Variants in ORC1 observed in about 807,000 individuals in gnomAD.
The protein encoded by ORC1 is origin recognition complex subunit 1, also known as origin recognition complex, subunit 1 homolog.
A neutral mutation model predicts 98.9 loss-of-function variants in ORC1; 61 were observed. That is an observed-to-expected ratio of 0.62 (90% CI 0.50 to 0.76). The LOEUF is 0.76. Ranked by LOEUF, ORC1 falls within the 30% of genes least tolerant of loss-of-function variation. The probability of loss-of-function intolerance (pLI) is 0.00; values close to 1 mark genes in which losing one functional copy is unlikely to be tolerated. For missense variants in ORC1, 979 were observed against 1,072.2 expected, an observed-to-expected ratio of 0.91 and a Z score of 1.21; for synonymous variants, 385 against 406.9, an observed-to-expected ratio of 0.95 and a Z score of 0.65.
chr1:52,398,223 C>A (rs900298888), intron 3 of ORC1, among the ~76,000 whole-genome samples: 38 of 151,156 alleles, frequency 2.5e-4, no homozygotes, highest in Non-Finnish European at 2.4e-4. Flanking sequence ...CTTGGCCTCC[C>A]AAAGTGCTGG....
rs773273929 is a variant in ORC1 at position 52,393,436 on chromosome 1, T to C, written c.1082+7A>G. 21 of 1,614,044 alleles carry C rather than the reference T, an allele frequency of 1.3e-5. No individual in the cohort carries two copies. Among genetic ancestry groups the C allele is most frequent in the Non-Finnish European group, 1.7e-5 (20 of 1,180,012 alleles). On this transcript the variant is annotated splice_region_variant and intron_variant, in intron 6 of 16. Transcript: ENST00000371568. ...CAATTTGCTCTGTGGGTAATGTCCC[T>C]GGTCACCTCTTTTTGATGTTTTCTG... is the stretch of plus-strand genomic sequence containing the variant.
At position 52,389,160 on chromosome 1, in the gene ORC1, A is replaced by G; in HGVS notation, c.1187+57T>C. 8.6e-6 allele frequency: 11 copies of G among 1,272,578 alleles called. No individual in the cohort carries two copies. The South Asian group carries it at 1.3e-4, about 15-fold the overall frequency. The allele number at this position is 1,272,578 out of a possible 1,614,324, so 78.8% of individuals were successfully genotyped here. ...AGTATAAGAGGCATTAGGAGATAAGATTATAGATATCAGAGATGGCAGCAA... is the reference window on the plus strand; with the variant it reads ...AGTATAAGAGGCATTAGGAGATAAGGTTATAGATATCAGAGATGGCAGCAA... On this transcript the variant is annotated intron_variant, in intron 7 of 16. Transcript: ENST00000371568.
chr1:52,385,316 C>A, intron 9 of ORC1, 54 bp from the exon 10 acceptor site: 1 of 1,081,754 alleles, frequency 9.2e-7, no homozygotes, highest in Non-Finnish European at 1.4e-6. Flanking sequence ...ATTCCCCAAC[C>A]ATCTACTCAT....
intron 10 of ORC1, 130 bp downstream of exon 10, chr1:52,385,031 G>A (rs1647124486): frequency 2.6e-6 from 2 of 773,498 alleles, no homozygotes; most frequent in African/African-American, 1.7e-5. Context: ...GAAGCTTTGG[G>A]CTTCAGCAAC....
At chr1:52,404,510 C>T (rs570386111), upstream of ORC1, 32 of 418,666 alleles carry the variant, frequency 7.6e-5, no homozygotes, top group Non-Finnish European at 1.3e-4. Context: ...CCCGCCCACT[C>T]CGTACACCTA....
chr1:52,406,530 C>A (rs1254176675), upstream of ORC1, among the ~76,000 whole-genome samples: 1 of 146,854 alleles, frequency 6.8e-6, no homozygotes, highest in Non-Finnish European at 1.5e-5. Flanking sequence ...TTAACTATGA[C>A]ATTGGAGAGG....
chr1:52,375,013 C>A (rs1451147787), intron 15 of ORC1, 116 bp from the exon 16 acceptor site: 4 of 720,444 alleles, frequency 5.6e-6, no homozygotes, highest in African/African-American at 5.3e-5. Context: ...GAAATAATTT[C>A]TCCTATATTA....
In ORC1 at chr1:52,373,094, T is replaced by G. The variant is rs1367531423; in HGVS notation, c.*87A>C. 1 of 1,362,590 alleles carries G rather than the reference T, an allele frequency of 7.3e-7. No individual in the cohort carries two copies. Among genetic ancestry groups the G allele is most frequent in the South Asian group, 1.2e-5 (1 of 85,330 alleles). 84.4% of individuals were successfully genotyped at this position (1,362,590 alleles called of 1,614,324 possible). A position where few individuals can be genotyped will look rare whatever the true frequency, so the allele number is the denominator to read the frequency against. ...CTGCAGTGAGCCATGATCGTGCCAC[T>G]GCACTCCAGCCTGGGCGACAGAGCA... is the stretch of plus-strand genomic sequence containing the variant. On this transcript the variant is annotated 3_prime_UTR_variant, in exon 17 of 17. Transcript: ENST00000371568.
chr1:52,408,127 G>A (rs928878939), upstream of ORC1, among the ~76,000 whole-genome samples: 2 of 150,596 alleles, frequency 1.3e-5, no homozygotes, highest in Admixed American at 6.6e-5. Context: ...TGTAATCCTC[G>A]CTACATGGAG....
In ORC1 at chr1:52,374,768, A is replaced by C. The variant is rs770712720; in HGVS notation, c.2391+42T>G. On this transcript the variant is annotated intron_variant, in intron 16 of 16. Transcript: ENST00000371568. ...AAATTTCCATGTATTTTAAAAGCGT[A>C]AGTCCAAAATCTAGAAGGATTTGAA... 11 of 1,359,760 alleles carry C rather than the reference A, an allele frequency of 8.1e-6. No homozygotes were observed. In the Admixed American group the frequency reaches 1.9e-4, roughly 23 times the overall value. The allele number at this position is 1,359,760 out of a possible 1,614,324, so 84.2% of individuals were successfully genotyped here. A position where few individuals can be genotyped will look rare whatever the true frequency, so the allele number is the denominator to read the frequency against.
upstream of ORC1, chr1:52,404,609 G>A: frequency 3.6e-6 from 3 of 833,106 alleles, no homozygotes; most frequent in South Asian, 3.5e-5. Flanking sequence ...TTTACACTAC[G>A]GTGTTTCCGG....
chr1:52,388,010 C>T (rs1055115379), intron 8 of ORC1, among the ~76,000 whole-genome samples: 1 of 152,184 alleles, frequency 6.6e-6, no homozygotes, highest in Non-Finnish European at 1.5e-5. Flanking sequence ...CTCCTCCTTC[C>T]ATCTTGCTGT....
chr1:52,408,130 A>G (rs1648051551), upstream of ORC1, among the ~76,000 whole-genome samples: 1 of 151,346 alleles, frequency 6.6e-6, no homozygotes, highest in Non-Finnish European at 1.5e-5. Flanking sequence ...AATCCTCGCT[A>G]CATGGAGGCT....
chr1:52,399,035 C>T (rs889915204), intron 3 of ORC1, among the ~76,000 whole-genome samples: 3 of 152,190 alleles, frequency 2.0e-5, no homozygotes, highest in Non-Finnish European at 4.4e-5. Flanking sequence ...CACACCCGCT[C>T]TTCTGGGATT....
chr1:52,377,708 A>T (rs78569959), intron 14 of ORC1, among the ~76,000 whole-genome samples: 1 of 150,960 alleles, frequency 6.6e-6, no homozygotes, highest in African/African-American at 2.4e-5. Context: ...AGAAGCAAAA[A>T]AAAAAAAAAA....
intron 13 of ORC1, 42 bp from the exon 14 acceptor site, chr1:52,381,803 C>G: frequency 6.2e-7 from 1 of 1,608,484 alleles, no homozygotes; most frequent in Non-Finnish European, 8.5e-7. Flanking sequence ...GGTTGACTGC[C>G]CAGTGATTAT....
chr1:52,396,501 T>C (rs1449896267), intron 4 of ORC1, 137 bp from the exon 5 acceptor site: 8 of 985,278 alleles, frequency 8.1e-6, no homozygotes, highest in South Asian at 2.8e-5. Context: ...TAAAGACGCA[T>C]AGACATGGCA....
At chr1:52,387,402 G>C (rs143390251) in intron 8 of ORC1, among the ~76,000 whole-genome samples, 1 of 152,184 alleles carries the variant, frequency 6.6e-6, no homozygotes, top group East Asian at 1.9e-4. Context: ...CCACGAAGGG[G>C]GTCCCTGGTG....
At chr1:52,382,012 T>C (rs1430180518) in intron 13 of ORC1, among the ~76,000 whole-genome samples, 3 of 152,162 alleles carry the variant, frequency 2.0e-5, no homozygotes, top group Non-Finnish European at 4.4e-5. Context: ...GGAGTCTTGC[T>C]CTGTTGCCCA....
Sources: gnomAD v4.1 joint callset for allele counts (sites outside exome capture counted in the v4.1 genomes callset) on GRCh38, gnomAD v4.1.1 for gene constraint, MANE v1.5 for transcripts, NCBI Gene and HGNC (gene_info 2026-07-23, HGNC 2026-07-21) for gene names.